ERC2: variants seen among roughly 807,000 people sequenced by gnomAD.
ERC2 encodes the protein ELKS/RAB6-interacting/CAST family member 2.
ERC2 carries 42 observed loss-of-function variants against 114.8 expected under a neutral mutation model. That is an observed-to-expected ratio of 0.37 (90% CI 0.29 to 0.47). The LOEUF is 0.47. Among genes scored for constraint, ERC2 ranks in the 20% least tolerant of loss-of-function variants. The pLI is 0.99. For missense variants in ERC2, 939 were observed against 1,150.7 expected (o/e 0.82, Z 2.66); for synonymous variants, 454 against 425.5 (o/e 1.07, Z -0.82).
At chr3:56,418,098 C>G (rs1305455575) in intron 2 of ERC2, among the ~76,000 whole-genome samples, 1 of 151,758 alleles carries the variant, frequency 6.6e-6, no homozygotes, top group Non-Finnish European at 1.5e-5. Flanking sequence ...ACCAGCCTGG[C>G]CAACATAGCG....
intron 13 of ERC2, among the ~76,000 whole-genome samples, chr3:55,922,750 T>C (rs999667332): frequency 4.6e-5 from 7 of 152,120 alleles, no homozygotes; most frequent in East Asian, 1.9e-4. Flanking sequence ...AAGAATTAAC[T>C]ATAAAAGTTG....
chr3:56,277,009 G>C (rs993205718), intron 3 of ERC2, among the ~76,000 whole-genome samples: 1 of 152,166 alleles, frequency 6.6e-6, no homozygotes, highest in Non-Finnish European at 1.5e-5. Flanking sequence ...CTTATCTGTC[G>C]ATGAACTTTG....
intron 3 of ERC2, among the ~76,000 whole-genome samples, chr3:56,181,963 T>G (rs888840182): frequency 2.6e-5 from 4 of 152,186 alleles, no homozygotes; most frequent in Admixed American, 6.6e-5. Context: ...ACAGCCTGAT[T>G]GCAACCTCAT....
chr3:56,130,062 G>A (rs543168616), intron 6 of ERC2, among the ~76,000 whole-genome samples: 1 of 152,314 alleles, frequency 6.6e-6, no homozygotes, highest in East Asian at 1.9e-4. Flanking sequence ...GATTTGAGTT[G>A]CAGTAACAAT....
chr3:56,373,201 TCATATTAA>T (rs1051479012), intron 2 of ERC2, among the ~76,000 whole-genome samples: 1 of 152,218 alleles, frequency 6.6e-6, no homozygotes, highest in Non-Finnish European at 1.5e-5. Flanking sequence ...TTTTTCAGTC[TCATATTAA>T]TGAGAATTTA....
chr3:55,508,635 A>G lies in ERC2; in HGVS notation c.*2681T>C, dbSNP rs1026602441. On this transcript the variant is annotated 3_prime_UTR_variant, in exon 18 of 18. Transcript: ENST00000288221. ...ATACACTGACCCTGGGCAGCATTCA[A>G]TCGCCACTCTACACAAAAACATTGC... 21 of 152,724 alleles carry G rather than the reference A, an allele frequency of 1.4e-4. No homozygotes were observed. Among genetic ancestry groups the G allele is most frequent in the African/African-American group, 4.6e-4 (19 of 41,566 alleles). The allele number at this position is 152,724 out of a possible 1,614,324, so 9.5% of individuals were successfully genotyped here.
At chr3:55,714,948 G>A (rs2148868271) in intron 15 of ERC2, among the ~76,000 whole-genome samples, 1 of 151,874 alleles carries the variant, frequency 6.6e-6, no homozygotes, top group South Asian at 2.1e-4. Context: ...TTTAGTTCTG[G>A]GGAAAAGACT....
At chr3:55,847,183 T>C (rs1006787237) in intron 14 of ERC2, among the ~76,000 whole-genome samples, 9 of 152,166 alleles carry the variant, frequency 5.9e-5, no homozygotes, top group Non-Finnish European at 1.3e-4. Flanking sequence ...AATGAGGCAA[T>C]TCACAAAGGA....
At chr3:55,796,448 T>C (rs1290376894) in intron 14 of ERC2, among the ~76,000 whole-genome samples, 1 of 152,174 alleles carries the variant, frequency 6.6e-6, no homozygotes, top group African/African-American at 2.4e-5. Context: ...TTTTTTTAGA[T>C]GGAGTCTCAC....
chr3:55,769,102 A>G (rs544199914), intron 14 of ERC2, among the ~76,000 whole-genome samples: 1 of 152,262 alleles, frequency 6.6e-6, no homozygotes, highest in South Asian at 2.1e-4. Flanking sequence ...TGCCTGGTTC[A>G]CTGCTATCTC....
intron 13 of ERC2, among the ~76,000 whole-genome samples, chr3:55,938,139 C>G (rs548543716): frequency 6.7e-6 from 1 of 149,900 alleles, no homozygotes; most frequent in Non-Finnish European, 1.5e-5. Context: ...GAAGCAAGAA[C>G]CCAGCCTCGA....
intron 16 of ERC2, among the ~76,000 whole-genome samples, chr3:55,688,548 T>C (rs1430913836): frequency 6.6e-6 from 1 of 152,204 alleles, no homozygotes; most frequent in Non-Finnish European, 1.5e-5. Flanking sequence ...AGCTCAGCTC[T>C]AGAGTACGTT....
intron 14 of ERC2, among the ~76,000 whole-genome samples, chr3:55,854,386 TTTTGGTTTGG>T (rs538567365): frequency 3.3e-5 from 5 of 152,088 alleles, no homozygotes; most frequent in African/African-American, 4.8e-5. Context: ...TTTGTTTTGG[TTTTGGTTTGG>T]TTTGGTTTGG....
At chr3:55,827,363 GAAGA>G (rs370707630) in intron 14 of ERC2, among the ~76,000 whole-genome samples, 24 of 150,724 alleles carry the variant, frequency 1.6e-4, no homozygotes, top group African/African-American at 5.6e-4. Context: ...ATGAAAGTAA[GAAGA>G]AAGAGACAGA....
intron 2 of ERC2, among the ~76,000 whole-genome samples, chr3:56,360,330 G>A (rs752436775): frequency 5.9e-5 from 9 of 151,878 alleles, no homozygotes; most frequent in Non-Finnish European, 1.0e-4. Flanking sequence ...CACCATGCCC[G>A]GCCAACAAAA....
intron 6 of ERC2, among the ~76,000 whole-genome samples, chr3:56,132,450 A>T (rs1575536609): frequency 2.0e-5 from 3 of 152,062 alleles, no homozygotes; most frequent in Non-Finnish European, 4.4e-5. Flanking sequence ...CTCAGAAAAC[A>T]CCTCCTCCTC....
chr3:55,635,048 A>ATT (rs894109348), intron 17 of ERC2, among the ~76,000 whole-genome samples: 1 of 151,870 alleles, frequency 6.6e-6, no homozygotes, highest in East Asian at 1.9e-4. Flanking sequence ...CACCCAGCTA[A>ATT]TTTTTTATTT....
chr3:56,401,474 T>C (rs947987828), intron 2 of ERC2, among the ~76,000 whole-genome samples: 2 of 152,246 alleles, frequency 1.3e-5, no homozygotes, highest in African/African-American at 4.8e-5. Flanking sequence ...CATCCTTCCA[T>C]ACATCAAAGC....
At chr3:56,301,033 G>C (rs1382464016) in intron 2 of ERC2, among the ~76,000 whole-genome samples, 2 of 152,186 alleles carry the variant, frequency 1.3e-5, no homozygotes, top group African/African-American at 4.8e-5. Context: ...GAGATCACTT[G>C]AGGCCAGGAG....
Sources: allele counts gnomAD v4.1 joint callset (sites outside exome capture counted in the v4.1 genomes callset), GRCh38; gene constraint gnomAD v4.1.1; transcripts MANE v1.5; gene names NCBI Gene and HGNC (gene_info 2026-07-23, HGNC 2026-07-21).